The following RAI14 variants were observed in gnomAD, a reference collection of about 807,000 sequenced individuals.
RAI14 encodes the protein retinoic acid induced 14.
A neutral mutation model predicts 115.4 loss-of-function variants in RAI14; 45 were observed. That is an observed-to-expected ratio of 0.39 (90% CI 0.31 to 0.50). The LOEUF (loss-of-function observed/expected upper bound fraction) is 0.50, where lower values mean the gene tolerates loss of function less well. Ranked by LOEUF, RAI14 falls within the 20% of genes least tolerant of loss-of-function variation. The pLI, the probability that RAI14 is intolerant of heterozygous loss-of-function variation, is 0.85. For missense variants in RAI14, 939 were observed against 1,131.2 expected (o/e 0.83, Z 2.44); for synonymous variants, 371 against 415.4 (o/e 0.89, Z 1.30).
At chr5:34,726,950 A>C (rs1743546842) in intron 2 of RAI14, among the ~76,000 whole-genome samples, 1 of 152,208 alleles carries the variant, frequency 6.6e-6, no homozygotes, top group Admixed American at 6.5e-5. Flanking sequence ...GCAGAGAATG[A>C]GGTACAGCTG....
chr5:34,773,381 G>A (rs544903757), intron 3 of RAI14, among the ~76,000 whole-genome samples: 16 of 152,170 alleles, frequency 1.1e-4, no homozygotes, highest in Admixed American at 5.9e-4. Context: ...CCTCAAAAGC[G>A]TAGACAGCTA....
intron 3 of RAI14, among the ~76,000 whole-genome samples, chr5:34,787,316 C>A (rs558032082): frequency 1.3e-5 from 2 of 152,284 alleles, no homozygotes; most frequent in East Asian, 3.9e-4. Context: ...AATGGTGGGG[C>A]ATGATAGTAA....
intron 2 of RAI14, among the ~76,000 whole-genome samples, chr5:34,720,401 A>ATTTTTT (rs35380327): frequency 5.0e-5 from 4 of 80,230 alleles, no homozygotes; most frequent in Non-Finnish European, 9.1e-5. Context: ...CCTGTCTCAG[A>ATTTTTT]TTTTTTTTTT....
At chr5:34,786,271 G>T (rs983849971) in intron 3 of RAI14, among the ~76,000 whole-genome samples, 11 of 152,214 alleles carry the variant, frequency 7.2e-5, no homozygotes, top group Admixed American at 3.9e-4. Context: ...TCACCCTCTT[G>T]TCTAGCTTGC....
intron 7 of RAI14, among the ~76,000 whole-genome samples, chr5:34,809,910 A>G (rs68102020): frequency 0.063 from 9,556 of 152,228 alleles, 405 homozygotes; most frequent in African/African-American, 0.13. Flanking sequence ...TTATATACCT[A>G]TCACATGGTT....
intron 1 of RAI14, among the ~76,000 whole-genome samples, chr5:34,672,516 T>A (rs1299844212): frequency 6.6e-6 from 1 of 152,172 alleles, no homozygotes; most frequent in South Asian, 2.1e-4. Context: ...GGTTTCAAAT[T>A]TAGTTAACAG....
intron 3 of RAI14, among the ~76,000 whole-genome samples, chr5:34,792,358 C>T (rs185812091): frequency 2.0e-5 from 3 of 151,744 alleles, no homozygotes; most frequent in African/African-American, 7.3e-5. Flanking sequence ...CTCAGCCTCC[C>T]GAGTAGATGG....
At chr5:34,732,328 G>A (rs1446699782) in intron 2 of RAI14, among the ~76,000 whole-genome samples, 1 of 152,044 alleles carries the variant, frequency 6.6e-6, no homozygotes, top group African/African-American at 2.4e-5. Context: ...AAAGAGCAAT[G>A]GCAATGGGTG....
chr5:34,718,560 G>A (rs1458183605), intron 2 of RAI14, among the ~76,000 whole-genome samples: 3 of 152,120 alleles, frequency 2.0e-5, no homozygotes, highest in African/African-American at 4.8e-5. Flanking sequence ...ATCTTTTCTC[G>A]TCCCCACCAA....
At chr5:34,663,834 C>T (rs1160556416) in intron 1 of RAI14, among the ~76,000 whole-genome samples, 1 of 152,206 alleles carries the variant, frequency 6.6e-6, no homozygotes, top group Non-Finnish European at 1.5e-5. Context: ...GTGAAAGAAA[C>T]ACTTTTCCTC....
intron 11 of RAI14, 38 bp from the exon 12 acceptor site, chr5:34,814,545 A>G (rs1275911904): frequency 5.4e-6 from 8 of 1,494,026 alleles, no homozygotes; most frequent in South Asian, 1.1e-5. Context: ...TTGAAGATAC[A>G]TTCTTTATTA....
intron 1 of RAI14, among the ~76,000 whole-genome samples, chr5:34,660,865 G>T (rs993466204): frequency 6.6e-6 from 1 of 151,698 alleles, no homozygotes; most frequent in Non-Finnish European, 1.5e-5. Flanking sequence ...GGATCACCAG[G>T]CGTCTTGCCT....
At chr5:34,806,148 A>C (rs944519877) in intron 5 of RAI14, among the ~76,000 whole-genome samples, 3 of 152,210 alleles carry the variant, frequency 2.0e-5, no homozygotes, top group Non-Finnish European at 2.9e-5. Context: ...CCAAGGATGC[A>C]AAGAGCCACA....
rs983729955 is a variant in RAI14, at chr5:34,824,363, C to G, written c.2521C>G (p.Leu841Val). 3.1e-6 allele frequency: 5 copies of G among 1,613,422 alleles called. No individual in the cohort carries two copies. In the African/African-American group the frequency reaches 4.0e-5, roughly 13 times the overall value. ...VKREKENIQT[L>V]LKSKEQEVNE... ...AAGAGAAAAGGAAAATATTCAGACT[C>G]TCTTGAAATCCAAAGAGCAAGAAGT... Residue 841 changes from leucine to valine, a missense_variant, in exon 15 of 18, where the codon CTC (leucine) becomes GTC (valine). By Grantham distance (32) the Leu-to-Val change is conservative. Transcript: ENST00000265109.
At chr5:34,716,285 C>T in intron 2 of RAI14, 1 of 282,874 alleles carries the variant, frequency 3.5e-6, no homozygotes, top group Non-Finnish European at 6.8e-6. Flanking sequence ...TGACAGTTCC[C>T]TTTGGGCTAT....
rs550861417 is a variant in RAI14 at position 34,713,246 on chromosome 5, G to A, written c.36+26291G>A. 7.9e-5 allele frequency among the ~76,000 whole-genome samples: 12 copies of A among 152,250 alleles called. No individual in the cohort carries two copies. The Middle Eastern group carries it at 0.01, about 129-fold the overall frequency. The stretch of plus-strand genomic sequence containing the variant: ...GATGAGGCCAAGGATAACATGGAGT[G>A]GGATTAGAGAACACAGGCAGTGGTG... On this transcript the variant is annotated intron_variant, in intron 2 of 17. Transcript: ENST00000265109.
chr5:34,708,069 TATC>T (rs1307819133), intron 2 of RAI14, among the ~76,000 whole-genome samples: 3 of 152,234 alleles, frequency 2.0e-5, no homozygotes, highest in African/African-American at 7.2e-5. Flanking sequence ...AAGGAAAGGT[TATC>T]ATGTCAAGAA....
intron 16 of RAI14, among the ~76,000 whole-genome samples, chr5:34,828,815 A>G (rs992550624): frequency 1.7e-4 from 26 of 152,180 alleles, no homozygotes; most frequent in Admixed American, 1.7e-3. Flanking sequence ...TGGGGCCACC[A>G]CCCTCTTTGC....
chr5:34,670,172 C>T (rs1743517413), intron 1 of RAI14, among the ~76,000 whole-genome samples: 1 of 152,190 alleles, frequency 6.6e-6, no homozygotes, highest in Non-Finnish European at 1.5e-5. Flanking sequence ...AGGACTCGTT[C>T]CGTCTTTGAA....
Sources: allele counts gnomAD v4.1 joint callset (sites outside exome capture counted in the v4.1 genomes callset), GRCh38; gene constraint gnomAD v4.1.1; transcripts MANE v1.5; gene names NCBI Gene and HGNC (gene_info 2026-07-23, HGNC 2026-07-21).